GRIN2A: variants seen among roughly 807,000 people sequenced by gnomAD.
GRIN2A encodes glutamate receptor ionotropic, NMDA 2A.
GRIN2A carries 22 observed loss-of-function variants against 113.4 expected under a neutral mutation model. The observed-to-expected ratio is 0.19, with a 90% CI of 0.14 to 0.28. GRIN2A has a LOEUF of 0.28. GRIN2A is among the 10% of genes least tolerant of loss of function. The probability of loss-of-function intolerance (pLI) is 1.00; values close to 1 mark genes in which losing one functional copy is unlikely to be tolerated. For synonymous variants in GRIN2A, 827 were observed against 738.4 expected, an observed-to-expected ratio of 1.12 and a Z score of -1.94; for missense variants, 1,502 against 1,887.0, an observed-to-expected ratio of 0.80 and a Z score of 3.78.
intron 5 of GRIN2A, among the ~76,000 whole-genome samples, chr16:9,841,637 C>T (rs979619384): frequency 3.3e-5 from 5 of 152,152 alleles, no homozygotes; most frequent in Non-Finnish European, 7.3e-5. Flanking sequence ...CAGACAACAC[C>T]TCAGCCAAGA....
chr16:9,973,289 T>C (rs1370984035), intron 2 of GRIN2A, among the ~76,000 whole-genome samples: 17 of 152,202 alleles, frequency 1.1e-4, no homozygotes, highest in Admixed American at 1.0e-3. Flanking sequence ...GGGAAAGGGC[T>C]AATATCTCTT....
intron 4 of GRIN2A, among the ~76,000 whole-genome samples, chr16:9,888,732 A>G (rs534025995): frequency 3.3e-5 from 5 of 152,058 alleles, no homozygotes; most frequent in African/African-American, 7.2e-5. Context: ...ATGTGCATAT[A>G]ATATATATAA....
intron 2 of GRIN2A, chr16:10,112,041 G>A (rs572405138): frequency 8.8e-5 from 55 of 627,684 alleles, no homozygotes; most frequent in African/African-American, 2.2e-4. Context: ...AGTGGCCATC[G>A]TCTCCCACAC....
intron 2 of GRIN2A, among the ~76,000 whole-genome samples, chr16:9,952,956 G>A (rs17569386): frequency 0.18 from 26,835 of 152,120 alleles, 2,739 homozygotes; most frequent in Non-Finnish European, 0.23. Context: ...TGCTTTCTGG[G>A]GTTGACGAGA....
chr16:10,038,823 G>C (rs1390475566), intron 2 of GRIN2A, among the ~76,000 whole-genome samples: 3 of 150,862 alleles, frequency 2.0e-5, no homozygotes, highest in African/African-American at 4.9e-5. Context: ...ACTCCAGCCT[G>C]GGCGACAGAA....
At chr16:9,945,981 G>A (rs1248230785) in intron 2 of GRIN2A, among the ~76,000 whole-genome samples, 1 of 152,180 alleles carries the variant, frequency 6.6e-6, no homozygotes, top group Non-Finnish European at 1.5e-5. Flanking sequence ...CACAATGCCA[G>A]AGGAAAGAAC....
At chr16:10,043,457 G>T (rs1596456833) in intron 2 of GRIN2A, among the ~76,000 whole-genome samples, 2 of 152,156 alleles carry the variant, frequency 1.3e-5, no homozygotes, top group Admixed American at 6.5e-5. Flanking sequence ...TTATCTTTTT[G>T]TGGAGCTAAA....
At chr16:10,033,543 T>C (rs752188848) in intron 2 of GRIN2A, 1 of 152,230 alleles carries the variant, frequency 6.6e-6, no homozygotes, top group African/African-American at 2.4e-5. Flanking sequence ...CTAAATGTGT[T>C]TGGGCAAGTC....
chr16:10,132,002 T>C (rs901525779), intron 2 of GRIN2A, among the ~76,000 whole-genome samples: 24 of 152,190 alleles, frequency 1.6e-4, no homozygotes, highest in Admixed American at 1.3e-4. Flanking sequence ...AAAAGTATTA[T>C]AATCCCCATT....
chr16:10,099,617 T>A (rs941736634), intron 2 of GRIN2A, among the ~76,000 whole-genome samples: 1 of 152,220 alleles, frequency 6.6e-6, no homozygotes, highest in African/African-American at 2.4e-5. Flanking sequence ...GCACCTGCTC[T>A]GTTAAGGTAG....
Position 9,763,767 on chromosome 16 carries a change from G to A in GRIN2A, c.3777C>T (p.Asn1259=). The change falls in exon 13 of 13, where the codon AAC becomes AAT. Residue 1259 remains asparagine (N), a synonymous_variant. Coordinates refer to ENST00000330684, the MANE Select transcript of GRIN2A (RefSeq NM_001134407.3). ...GGTAGACCTGCTCCCCGGTGGCTGG[G>A]TTACCTGTCTCCTGAAGCATCTGGT... is the stretch of plus-strand genomic sequence containing the variant. The part of the protein sequence containing the change: ...DEDQMLQETG[N]PATGEQVYQQ... 6.2e-7 allele frequency: 1 copy of A among 1,614,142 alleles called. No homozygotes were observed. Among genetic ancestry groups the A allele is most frequent in the Non-Finnish European group, 8.5e-7 (1 of 1,180,018 alleles).
chr16:9,961,965 A>C (rs2045451943), intron 2 of GRIN2A, among the ~76,000 whole-genome samples: 1 of 152,230 alleles, frequency 6.6e-6, no homozygotes. Context: ...CCACATATCT[A>C]CAACTATCTG....
chr16:9,761,441 A>AC lies in GRIN2A; in HGVS notation c.*1707dup. The stretch of plus-strand genomic sequence containing the variant: ...GTGTTTCCGTAATGGCCCAAAACAG[A>AC]CTGAGGTCTTCTGCAAACACTGATG... On this transcript the variant is annotated 3_prime_UTR_variant, in exon 13 of 13. Transcript: ENST00000330684. The AC allele has an allele frequency of 4.3e-6, 1 of 231,218 alleles. No homozygotes were observed. Among genetic ancestry groups the AC allele is most frequent in the African/African-American group, 2.2e-5 (1 of 45,228 alleles). The allele number at this position is 231,218 out of a possible 1,614,324, so 14.3% of individuals were successfully genotyped here.
chr16:10,077,234 T>C (rs1341461926), intron 2 of GRIN2A, among the ~76,000 whole-genome samples: 2 of 152,164 alleles, frequency 1.3e-5, no homozygotes, highest in East Asian at 3.8e-4. Context: ...GGGTGACCAG[T>C]AGGATTATAA....
intron 2 of GRIN2A, among the ~76,000 whole-genome samples, chr16:9,993,138 C>T (rs142290903): frequency 6.6e-6 from 1 of 152,130 alleles, no homozygotes; most frequent in South Asian, 2.1e-4. Context: ...GAGGCTGAGG[C>T]CCAAGAATCA....
At chr16:10,061,607 T>A (rs994032062) in intron 2 of GRIN2A, among the ~76,000 whole-genome samples, 2 of 152,256 alleles carry the variant, frequency 1.3e-5, no homozygotes, top group East Asian at 3.9e-4. Flanking sequence ...CACAGTGAAG[T>A]CAGTCTGGGG....
At chr16:10,172,771 G>T (rs559407716) in intron 2 of GRIN2A, among the ~76,000 whole-genome samples, 31 of 152,332 alleles carry the variant, frequency 2.0e-4, no homozygotes, top group African/African-American at 7.5e-4. Context: ...TGTTGGCAAA[G>T]AATTAGAAGT....
intron 2 of GRIN2A, among the ~76,000 whole-genome samples, chr16:10,176,496 A>G (rs943073401): frequency 6.6e-6 from 1 of 152,162 alleles, no homozygotes; most frequent in Non-Finnish European, 1.5e-5. Flanking sequence ...TGGCACATAC[A>G]CACCATGGAA....
intron 2 of GRIN2A, among the ~76,000 whole-genome samples, chr16:10,039,314 A>G (rs1463314125): frequency 9.2e-5 from 14 of 152,202 alleles, no homozygotes. Flanking sequence ...GCGAATGTGC[A>G]TTCGTAGCGG....
Sources: allele counts gnomAD v4.1 joint callset (sites outside exome capture counted in the v4.1 genomes callset), GRCh38; gene constraint gnomAD v4.1.1; transcripts MANE v1.5; gene names NCBI Gene and HGNC (gene_info 2026-07-23, HGNC 2026-07-21).